The following TMEM26 variants were observed in gnomAD, a reference collection of about 807,000 sequenced individuals.
TMEM26 encodes transmembrane protein 26.
Under a neutral mutation model 28.8 loss-of-function variants are expected in TMEM26, and 38 were observed. The observed-to-expected ratio is 1.32, with a 90% confidence interval of 1.02 to 1.73. The LOEUF (loss-of-function observed/expected upper bound fraction) is 1.73, where lower values mean the gene tolerates loss of function less well. Ranked by LOEUF, TMEM26 falls within the 40% of genes most tolerant of loss-of-function variation. The pLI, the probability that TMEM26 is intolerant of heterozygous loss-of-function variation, is 0.00. For missense variants in TMEM26, 518 were observed against 447.1 expected, an observed-to-expected ratio of 1.16 and a Z score of -1.43; for synonymous variants, 227 against 182.9, an observed-to-expected ratio of 1.24 and a Z score of -1.95.
At chr10:61,451,720 T>C (rs1840284191) in intron 1 of TMEM26, among the ~76,000 whole-genome samples, 1 of 152,186 alleles carries the variant, frequency 6.6e-6, no homozygotes, top group South Asian at 2.1e-4. Context: ...TTAGGATTGT[T>C]CTTGAATAAT....
intron 5 of TMEM26, among the ~76,000 whole-genome samples, chr10:61,412,691 C>G (rs1332598862): frequency 6.6e-6 from 1 of 152,104 alleles, no homozygotes; most frequent in East Asian, 1.9e-4. Flanking sequence ...TTACTGCTGT[C>G]CAATATGGTA....
chr10:61,410,267 C>T lies in TMEM26; in HGVS notation c.*55G>A. 6.6e-7 allele frequency: 1 copy of T among 1,521,504 alleles called. No homozygotes were observed. Among genetic ancestry groups the T allele is most frequent in the Non-Finnish European group, 8.8e-7 (1 of 1,130,654 alleles). 94.3% of individuals were successfully genotyped at this position (1,521,504 alleles called of 1,614,324 possible). ...GGTTGGAGGAGAAAAAGGATCCTCC[C>T]TGTAAGAAGAACCAGGGAGTCAGGT... On this transcript the variant is annotated 3_prime_UTR_variant, in exon 6 of 6. Transcript: ENST00000399298.
At chr10:61,437,273 G>T (rs923465698) in intron 1 of TMEM26, among the ~76,000 whole-genome samples, 1 of 152,038 alleles carries the variant, frequency 6.6e-6, no homozygotes, top group African/African-American at 2.4e-5. Context: ...GTCACATTTG[G>T]GGTTAGGACT....
At chr10:61,436,821 T>G (rs1250626021) in intron 1 of TMEM26, among the ~76,000 whole-genome samples, 1 of 152,188 alleles carries the variant, frequency 6.6e-6, no homozygotes, top group African/African-American at 2.4e-5. Flanking sequence ...GTGTAAGCCT[T>G]TGGTATTTTT....
chr10:61,427,338 T>C (rs1839848337), intron 4 of TMEM26, among the ~76,000 whole-genome samples: 1 of 152,076 alleles, frequency 6.6e-6, no homozygotes, highest in South Asian at 2.1e-4. Context: ...GAGATAGGAC[T>C]GTGTGTCCTT....
At chr10:61,413,125 A>G in intron 5 of TMEM26, 1 of 482,714 alleles carries the variant, frequency 2.1e-6, no homozygotes, top group Non-Finnish European at 3.3e-6. Context: ...GACTATGATT[A>G]TCATCCCTAT....
At chr10:61,413,650 C>A in intron 4 of TMEM26, 115 bp from the exon 5 acceptor site, 3 of 1,334,810 alleles carry the variant, frequency 2.2e-6, no homozygotes, top group Non-Finnish European at 1.9e-6. Context: ...GCCAAAATAT[C>A]TTGGTGATTT....
chr10:61,414,033 A>T, intron 4 of TMEM26: 1 of 987,494 alleles, frequency 1.0e-6, no homozygotes, highest in African/African-American at 1.7e-5. Flanking sequence ...TAAGGAGATA[A>T]ATCCAATAAA....
In TMEM26 at chr10:61,410,372, G is replaced by T. The variant is rs544245239; in HGVS notation, c.1057C>A (p.Pro353Thr). The T allele has an allele frequency of 6.2e-7, 1 of 1,614,044 alleles. No homozygotes were observed. Among genetic ancestry groups the T allele is most frequent in the Non-Finnish European group, 8.5e-7 (1 of 1,180,020 alleles). Reference protein sequence around the residue: ...QNESKEGLAIPLRGSPVTSDD... With the variant: ...QNESKEGLAITLRGSPVTSDD... ...GAGGTGACTGGGGAGCCCCGCAAAGGAATAGCCAGGCCCTCCTTAGACTCG... is the reference window on the plus strand; with the variant it reads ...GAGGTGACTGGGGAGCCCCGCAAAGTAATAGCCAGGCCCTCCTTAGACTCG... Residue 353 changes from proline to threonine, a missense_variant, in exon 6 of 6, where the codon CCT (proline) becomes ACT (threonine). Physicochemically the swap from Pro to Thr is conservative, Grantham distance 38 (BLOSUM62 -1). Coordinates refer to ENST00000399298, the MANE Select transcript of TMEM26 (RefSeq NM_178505.8).
intron 4 of TMEM26, among the ~76,000 whole-genome samples, chr10:61,424,219 G>A (rs984916853): frequency 6.6e-6 from 1 of 152,096 alleles, no homozygotes; most frequent in Non-Finnish European, 1.5e-5. Context: ...GCATGGCTGT[G>A]ATAGTAGATC....
At chr10:61,414,065 A>C (rs1158187618) in intron 4 of TMEM26, 3 of 986,154 alleles carry the variant, frequency 3.0e-6, no homozygotes, top group Middle Eastern at 5.2e-4. Context: ...ACCAGATAGT[A>C]GGACATAAAG....
chr10:61,411,810 A>T (rs977532379), intron 5 of TMEM26, among the ~76,000 whole-genome samples: 2 of 152,248 alleles, frequency 1.3e-5, no homozygotes, highest in East Asian at 1.9e-4. Flanking sequence ...GTTTTCAAAC[A>T]AAGAATGCCT....
chr10:61,443,282 T>G (rs961659878), intron 1 of TMEM26, among the ~76,000 whole-genome samples: 1 of 146,568 alleles, frequency 6.8e-6, no homozygotes, highest in African/African-American at 2.6e-5. Flanking sequence ...GAAACCTGTC[T>G]CTACTAAAAA....
intron 1 of TMEM26, 112 bp downstream of exon 1, chr10:61,452,779 C>T (rs1322638492): frequency 2.8e-5 from 37 of 1,338,272 alleles, no homozygotes; most frequent in Non-Finnish European, 3.4e-5. Context: ...CGAGGAAAAA[C>T]GGGGTCCAAA....
chr10:61,412,912 T>C, intron 5 of TMEM26: 3 of 1,285,532 alleles, frequency 2.3e-6, no homozygotes, highest in Non-Finnish European at 3.1e-6. Flanking sequence ...TATGTTTTTA[T>C]TAAAGTAAGA....
chr10:61,447,147 G>T (rs1454862856), intron 1 of TMEM26, among the ~76,000 whole-genome samples: 1 of 152,182 alleles, frequency 6.6e-6, no homozygotes, highest in Non-Finnish European at 1.5e-5. Context: ...CCATATGGAA[G>T]TCACAGGGTC....
At chr10:61,450,803 TTA>T (rs1840265347) in intron 1 of TMEM26, among the ~76,000 whole-genome samples, 1 of 152,118 alleles carries the variant, frequency 6.6e-6, no homozygotes, top group Non-Finnish European at 1.5e-5. Context: ...AACCAATGGT[TTA>T]TTGGCTAGTC....
Position 61,408,570 on chromosome 10 carries a change from C to T in TMEM26, c.*1752G>A, listed in dbSNP as rs1839524484. The T allele has an allele frequency of 6.6e-6, 1 of 152,194 alleles. No individual in the cohort carries two copies. The highest frequency in any genetic ancestry group is 2.1e-4 in the South Asian group (1 of 4,832). The allele number at this position is 152,194 out of a possible 1,614,324, so 9.4% of individuals were successfully genotyped here. ...GCAGTCAACATAAAAACAGATTCTG[C>T]TGAGGCATTTTTATAAATAGCAGTT... On this transcript the variant is annotated 3_prime_UTR_variant, in exon 6 of 6. Transcript: ENST00000399298.
At position 61,440,750 on chromosome 10, in the gene TMEM26, T is replaced by C. The variant is rs564942491; in HGVS notation, c.192-4502A>G. Among the ~76,000 whole-genome samples, 6 of 152,294 alleles carry C rather than the reference T, an allele frequency of 3.9e-5. No individual in the cohort carries two copies. In the South Asian group the frequency reaches 1.0e-3, roughly 26 times the overall value. On this transcript the variant is annotated intron_variant, in intron 1 of 5. Transcript: ENST00000399298. ...ATATGTGCATATGTATATGTGTGTA[T>C]TTGATATCGTTTAAGTGTTGACTCC...
Sources: allele counts gnomAD v4.1 joint callset (sites outside exome capture counted in the v4.1 genomes callset), GRCh38; gene constraint gnomAD v4.1.1; transcripts MANE v1.5; gene names NCBI Gene and HGNC (gene_info 2026-07-23, HGNC 2026-07-21).